The following CALN1 variants were observed in gnomAD, a reference collection of about 807,000 sequenced individuals.
The protein encoded by CALN1 is calcium-binding protein 8.
A neutral mutation model predicts 30.6 loss-of-function variants in CALN1; 17 were observed. The ratio of observed to expected loss-of-function variants is 0.56; its 90% CI spans 0.38 to 0.83. The LOEUF (loss-of-function observed/expected upper bound fraction) is 0.83, where lower values mean the gene tolerates loss of function less well. Among genes scored for constraint, CALN1 ranks in the 40% least tolerant of loss-of-function variants. The probability of loss-of-function intolerance (pLI) is 0.00; values close to 1 mark genes in which losing one functional copy is unlikely to be tolerated. For synonymous variants in CALN1, 156 were observed against 131.4 expected (o/e 1.19, Z -1.28); for missense variants, 291 against 354.9 (o/e 0.82, Z 1.45).
intron 2 of CALN1, among the ~76,000 whole-genome samples, chr7:72,375,529 GTAC>G (rs1369118794): frequency 1.4e-5 from 2 of 144,088 alleles, no homozygotes; most frequent in Admixed American, 1.4e-4. Flanking sequence ...CTGCACCACT[GTAC>G]TCCACCCTGG....
the CALN1 span, among the ~76,000 whole-genome samples, chr7:72,498,382 A>G: frequency 6.6e-6 from 1 of 152,088 alleles, no homozygotes; most frequent in African/African-American, 2.4e-5. Flanking sequence ...ACCTAGCCAC[A>G]TCATGGATAA....
chr7:72,425,943 G>T (rs1003046919), intron 1 of CALN1, among the ~76,000 whole-genome samples: 27 of 152,156 alleles, frequency 1.8e-4, no homozygotes, highest in Admixed American at 3.3e-4. Context: ...GGGTGCCCTC[G>T]GAGGGAGCCG....
At chr7:72,298,011 CTTA>C (rs146940790) in intron 2 of CALN1, among the ~76,000 whole-genome samples, 5 of 152,296 alleles carry the variant, frequency 3.3e-5, no homozygotes, top group East Asian at 3.9e-4. Context: ...CACTCACCAT[CTTA>C]TTATTTTTTT....
chr7:71,997,692 C>T (rs1373912305), intron 5 of CALN1, among the ~76,000 whole-genome samples: 1 of 152,048 alleles, frequency 6.6e-6, no homozygotes, highest in African/African-American at 2.4e-5. Flanking sequence ...AGAAATGATG[C>T]ATTACTTATA....
chr7:72,126,664 C>G (rs1350972457), intron 3 of CALN1, among the ~76,000 whole-genome samples: 2 of 152,012 alleles, frequency 1.3e-5, no homozygotes, highest in African/African-American at 4.8e-5. Context: ...TATGCCTTTG[C>G]ATCCTCATAG....
At chr7:71,937,429 T>C (rs986405241) in intron 5 of CALN1, among the ~76,000 whole-genome samples, 1 of 149,958 alleles carries the variant, frequency 6.7e-6, no homozygotes, top group Non-Finnish European at 1.5e-5. Context: ...AATATGTATG[T>C]ATATGTATAT....
chr7:71,837,465 C>G (rs2116469867), intron 5 of CALN1, among the ~76,000 whole-genome samples: 1 of 152,188 alleles, frequency 6.6e-6, no homozygotes, highest in South Asian at 2.1e-4. Flanking sequence ...TCCTTGGATA[C>G]AACAGAGAGA....
At chr7:71,891,282 T>C (rs139532595) in intron 5 of CALN1, among the ~76,000 whole-genome samples, 96 of 152,338 alleles carry the variant, frequency 6.3e-4, no homozygotes, top group African/African-American at 2.2e-3. Context: ...AATCGAACTA[T>C]TAGTTCAAGT....
At chr7:72,108,209 G>A (rs1306795146) in intron 3 of CALN1, among the ~76,000 whole-genome samples, 1 of 152,152 alleles carries the variant, frequency 6.6e-6, no homozygotes, top group Non-Finnish European at 1.5e-5. Flanking sequence ...CTCCTCTTCT[G>A]TCTGTAATTC....
chr7:72,288,120 G>A (rs530580384), intron 2 of CALN1, among the ~76,000 whole-genome samples: 11 of 152,232 alleles, frequency 7.2e-5, no homozygotes, highest in South Asian at 4.1e-4. Flanking sequence ...CTCTGATTGC[G>A]GTCAAGACAC....
chr7:71,981,401 G>C (rs1179509367), intron 5 of CALN1, among the ~76,000 whole-genome samples: 1 of 152,114 alleles, frequency 6.6e-6, no homozygotes, highest in South Asian at 2.1e-4. Context: ...GGCTGGGGGT[G>C]GTGGTTCATG....
At chr7:71,871,962 G>A (rs573324244) in intron 5 of CALN1, among the ~76,000 whole-genome samples, 7 of 152,190 alleles carry the variant, frequency 4.6e-5, no homozygotes, top group African/African-American at 1.4e-4. Context: ...TGATCATTCC[G>A]TACTGTCCAA....
chr7:72,175,298 C>T (rs941003842), intron 3 of CALN1, among the ~76,000 whole-genome samples: 5 of 152,122 alleles, frequency 3.3e-5, no homozygotes, highest in African/African-American at 7.2e-5. Context: ...TGGTCTCGAT[C>T]TCCTGACCTC....
At chr7:72,403,764 A>C (rs1585673799) in intron 1 of CALN1, among the ~76,000 whole-genome samples, 2 of 152,162 alleles carry the variant, frequency 1.3e-5, no homozygotes, top group Admixed American at 1.3e-4. Context: ...TATAGCCGCC[A>C]AAGTGATTGC....
Position 71,780,802 on chromosome 7 carries a change from T to G in CALN1, c.*6973A>C, listed in dbSNP as rs1450426274. ...GAGAAACAAGCATCTCTTCTTGGAA[T>G]CTGCCATTGTTTCCTCCAACTTTCT... On this transcript the variant is annotated 3_prime_UTR_variant, in exon 7 of 7. Coordinates refer to ENST00000395275, the MANE Select transcript of CALN1 (RefSeq NM_031468.4). The G allele has an allele frequency of 1.3e-5, 2 of 152,218 alleles. No individual in the cohort carries two copies. Among genetic ancestry groups the G allele is most frequent in the African/African-American group, 4.8e-5 (2 of 41,472 alleles). The allele number at this position is 152,218 out of a possible 1,614,324, so 9.4% of individuals were successfully genotyped here.
the CALN1 span, among the ~76,000 whole-genome samples, chr7:72,500,953 A>T: frequency 6.6e-6 from 1 of 152,160 alleles, no homozygotes; most frequent in African/African-American, 2.4e-5. Flanking sequence ...TTATTGATTT[A>T]TCATAATAAG....
chr7:72,213,433 G>A (rs1248952785), intron 3 of CALN1, among the ~76,000 whole-genome samples: 4 of 152,180 alleles, frequency 2.6e-5, no homozygotes, highest in African/African-American at 7.2e-5. Flanking sequence ...GTTGCCTGGG[G>A]CTGGGAGTGA....
intron 2 of CALN1, among the ~76,000 whole-genome samples, chr7:72,324,025 G>A (rs2042799563): frequency 6.6e-6 from 1 of 151,930 alleles, no homozygotes; most frequent in African/African-American, 2.4e-5. Context: ...GAGACTCTGG[G>A]TTTTTTGTTT....
chr7:72,480,138 C>G, the CALN1 span, among the ~76,000 whole-genome samples: 5 of 152,316 alleles, frequency 3.3e-5, no homozygotes, highest in South Asian at 1.0e-3. Flanking sequence ...CCGAGAATCT[C>G]CAGTGCAATA....
Sources: allele counts gnomAD v4.1 joint callset (sites outside exome capture counted in the v4.1 genomes callset), GRCh38; gene constraint gnomAD v4.1.1; transcripts MANE v1.5; gene names NCBI Gene and HGNC (gene_info 2026-07-23, HGNC 2026-07-21).